EXT2: variants seen among roughly 807,000 people sequenced by gnomAD.
EXT2 encodes exostosin glycosyltransferase 2.
Under a neutral mutation model 81.6 loss-of-function variants are expected in EXT2, and 53 were observed. That is an observed-to-expected ratio of 0.65 (90% CI 0.52 to 0.82). EXT2 has a LOEUF of 0.82. EXT2 is among the 40% of genes least tolerant of loss of function. The pLI, the probability that EXT2 is intolerant of heterozygous loss-of-function variation, is 0.00. For synonymous variants in EXT2, 320 were observed against 340.0 expected (o/e 0.94, Z 0.65); for missense variants, 774 against 910.2 (o/e 0.85, Z 1.93).
intron 7 of EXT2, among the ~76,000 whole-genome samples, chr11:44,149,336 A>G (rs1046287234): frequency 6.6e-6 from 1 of 152,316 alleles, no homozygotes; most frequent in African/African-American, 2.4e-5. Context: ...CACTTCAGGC[A>G]GGGTGACAGA....
intron 8 of EXT2, among the ~76,000 whole-genome samples, chr11:44,174,215 C>T (rs900941614): frequency 6.6e-5 from 10 of 152,230 alleles, no homozygotes; most frequent in African/African-American, 2.4e-4. Flanking sequence ...TTATTGTTAT[C>T]ACATTGCACT....
At chr11:44,186,488 T>C (rs891162355) in intron 8 of EXT2, among the ~76,000 whole-genome samples, 2 of 152,220 alleles carry the variant, frequency 1.3e-5, no homozygotes, top group African/African-American at 4.8e-5. Flanking sequence ...CTTTTTCCTC[T>C]ACTACCTGAA....
chr11:44,188,420 C>A (rs963866651), intron 8 of EXT2, among the ~76,000 whole-genome samples: 2 of 152,204 alleles, frequency 1.3e-5, no homozygotes, highest in African/African-American at 2.4e-5. Context: ...TGTATTGACC[C>A]TTGTGATTAA....
intron 8 of EXT2, among the ~76,000 whole-genome samples, chr11:44,174,900 G>T (rs964219803): frequency 3.9e-5 from 6 of 152,204 alleles, no homozygotes; most frequent in Admixed American, 3.3e-4. Context: ...ACTTCAGAGA[G>T]TTCAGTGTGG....
rs1321181816 is a variant in EXT2 at position 44,246,489 on chromosome 11, T to A, written c.*2202T>A. On this transcript the variant is annotated 3_prime_UTR_variant, in exon 14 of 14. Coordinates refer to ENST00000533608, the MANE Select transcript of EXT2 (RefSeq NM_207122.2). ...GAGCTGTGTGACTTTATCATCGTCATAGGAGTCATTGGACTTTAAAGGCAT... is the reference window on the plus strand; with the variant it reads ...GAGCTGTGTGACTTTATCATCGTCAAAGGAGTCATTGGACTTTAAAGGCAT... Among the ~76,000 whole-genome samples, 4 of 152,208 alleles carry A rather than the reference T, an allele frequency of 2.6e-5. No homozygotes were observed. The highest frequency in any genetic ancestry group is 9.7e-5 in the African/African-American group (4 of 41,440).
rs902769924 is a variant in EXT2, at chr11:44,248,852, T to A, written c.*4565T>A. On this transcript the variant is annotated 3_prime_UTR_variant, in exon 14 of 14. Coordinates refer to ENST00000533608, the MANE Select transcript of EXT2 (RefSeq NM_207122.2). Reference sequence around the variant, plus strand: ...AGTGGGAAGATGACCAGAGAAAGTTTGGCCCCCTCTCCCAAGCTTCCAGGC... The same window carrying A: ...AGTGGGAAGATGACCAGAGAAAGTTAGGCCCCCTCTCCCAAGCTTCCAGGC... 1.3e-5 allele frequency among the ~76,000 whole-genome samples: 2 copies of A among 152,188 alleles called. No individual in the cohort carries two copies. The highest frequency in any genetic ancestry group is 1.3e-4 in the Admixed American group (2 of 15,284).
Position 44,234,131 on chromosome 11 carries a change from A to G in EXT2, c.1823A>G (p.Tyr608Cys), listed in dbSNP as rs1590667793. The change falls in exon 12 of 14, where the codon TAT (tyrosine) becomes TGT (cysteine). Residue 608 changes from tyrosine (Y) to cysteine (C), a missense_variant. By Grantham distance (194) the Tyr-to-Cys change is radical. Around this residue, in one of 2 missense-constraint regions of EXT2, gnomAD observed 148 missense variants for 239.7 expected, o/e 0.62. Transcript: ENST00000533608. ...ACTTGACAGTATTTTAATTACCTGT[A>G]TACCTACAAAATGCCTGGGGATATC... is the stretch of plus-strand genomic sequence containing the variant. ...AFYHKYFNYL[Y>C]TYKMPGDIKN... The G allele has an allele frequency of 6.2e-7, 1 of 1,613,990 alleles. No homozygotes were observed. The highest frequency in any genetic ancestry group is 1.1e-5 in the South Asian group (1 of 91,090).
rs189285717 is a variant in EXT2 at position 44,194,150 on chromosome 11, G to C, written c.1306-3679G>C. ...CTTAATGTCATAAAGACATTTAAGT[G>C]TGTTGGCATTCTCCCCTCTTCTCCC... On this transcript the variant is annotated intron_variant, in intron 8 of 13. Coordinates refer to ENST00000533608, the MANE Select transcript of EXT2 (RefSeq NM_207122.2). 2.9e-3 allele frequency among the ~76,000 whole-genome samples: 438 copies of C among 152,328 alleles called. 2 individuals are homozygous for C. Among genetic ancestry groups the C allele is most frequent in the Admixed American group, 6.7e-3 (102 of 15,292 alleles).
At chr11:44,240,503 C>T (rs1009640487) in intron 13 of EXT2, among the ~76,000 whole-genome samples, 3 of 152,134 alleles carry the variant, frequency 2.0e-5, no homozygotes, top group Non-Finnish European at 4.4e-5. Flanking sequence ...CAGTATCACT[C>T]TACAATTGCA....
At chr11:44,121,320 T>C (rs543978661) in intron 4 of EXT2, among the ~76,000 whole-genome samples, 10 of 152,318 alleles carry the variant, frequency 6.6e-5, no homozygotes, top group African/African-American at 1.9e-4. Context: ...AGAGTTTTCT[T>C]TGAGCACCAC....
At chr11:44,212,738 C>T (rs1374616420) in intron 10 of EXT2, among the ~76,000 whole-genome samples, 1 of 152,110 alleles carries the variant, frequency 6.6e-6, no homozygotes, top group African/African-American at 2.4e-5. Context: ...GAGTACTACA[C>T]AGCAATAGAA....
chr11:44,217,186 G>T (rs1955729757), intron 10 of EXT2, among the ~76,000 whole-genome samples: 1 of 151,896 alleles, frequency 6.6e-6, no homozygotes, highest in Admixed American at 6.6e-5. Flanking sequence ...GTGCACAGAG[G>T]TTAAGTTACT....
At chr11:44,238,900 A>G (rs1000038363) in intron 13 of EXT2, among the ~76,000 whole-genome samples, 2 of 152,158 alleles carry the variant, frequency 1.3e-5, no homozygotes, top group African/African-American at 2.4e-5. Flanking sequence ...TGAATCCCCA[A>G]ATAAGGAGCT....
In EXT2 at chr11:44,126,970, C is replaced by T. The variant is rs1954416876; in HGVS notation, c.1079+15C>T. On this transcript the variant is annotated intron_variant, in intron 6 of 13. Transcript: ENST00000533608. The stretch of plus-strand genomic sequence containing the variant: ...GACTGGAAGAGGTGGGTAGTACCTC[C>T]TAGTAAACTCTACATTAGTGGTTCT... 6.2e-7 allele frequency: 1 copy of T among 1,613,502 alleles called. No individual in the cohort carries two copies. Among genetic ancestry groups the T allele is most frequent in the Non-Finnish European group, 8.5e-7 (1 of 1,179,530 alleles).
intron 7 of EXT2, among the ~76,000 whole-genome samples, chr11:44,148,235 G>A (rs1954747014): frequency 6.6e-6 from 1 of 152,170 alleles, no homozygotes. Flanking sequence ...CTCCCTAAAT[G>A]TTGTTGAGGA....
chr11:44,169,268 G>A (rs1488937721), intron 7 of EXT2, among the ~76,000 whole-genome samples: 1 of 151,622 alleles, frequency 6.6e-6, no homozygotes, highest in Non-Finnish European at 1.5e-5. Flanking sequence ...TATAAAACAT[G>A]TCTTGTGGGA....
At chr11:44,233,668 T>G (rs1310549335) in intron 11 of EXT2, among the ~76,000 whole-genome samples, 1 of 152,188 alleles carries the variant, frequency 6.6e-6, no homozygotes, top group African/African-American at 2.4e-5. Flanking sequence ...TATCGATTGT[T>G]TGTTGTTAGC....
chr11:44,193,190 A>T (rs1295652304), intron 8 of EXT2, among the ~76,000 whole-genome samples: 4 of 152,220 alleles, frequency 2.6e-5, no homozygotes, highest in Admixed American at 2.0e-4. Flanking sequence ...ACCTTGAAAC[A>T]TGATAAGGTA....
chr11:44,096,590 G>A (rs1207435275), intron 1 of EXT2, among the ~76,000 whole-genome samples: 1 of 152,054 alleles, frequency 6.6e-6, no homozygotes, highest in South Asian at 2.1e-4. Flanking sequence ...TAGGTGGCCC[G>A]GGGGTGTGTC....
Sources: gnomAD v4.1 joint callset for allele counts (sites outside exome capture counted in the v4.1 genomes callset) on GRCh38, gnomAD v4.1.1 for gene constraint, gnomAD v4.1.1 regional missense constraint, MANE v1.5 for transcripts, NCBI Gene and HGNC (gene_info 2026-07-23, HGNC 2026-07-21) for gene names.